WFDC3: variants seen among roughly 807,000 people sequenced by gnomAD.
The protein encoded by WFDC3 is WAP four-disulfide core domain protein 3.
WFDC3 carries 15 observed loss-of-function variants against 25.8 expected under a neutral mutation model. That is an observed-to-expected ratio of 0.58 (90% CI 0.39 to 0.89). The LOEUF (loss-of-function observed/expected upper bound fraction) is 0.89. WFDC3 is among the 40% of genes least tolerant of loss of function. The pLI, the probability that WFDC3 is intolerant of heterozygous loss-of-function variation, is 0.00. For synonymous variants in WFDC3, 103 were observed against 107.1 expected, an observed-to-expected ratio of 0.96 and a Z score of 0.24; for missense variants, 264 against 289.8, an observed-to-expected ratio of 0.91 and a Z score of 0.65.
intron 5 of WFDC3, 38 bp downstream of exon 5, chr20:45,777,037 A>G: frequency 1.2e-6 from 2 of 1,611,130 alleles, no homozygotes; most frequent in Non-Finnish European, 1.7e-6. Flanking sequence ...TCTTCTCAGG[A>G]AACACTCAAG....
At chr20:45,783,930 C>T (rs1043710048) in intron 4 of WFDC3, among the ~76,000 whole-genome samples, 2 of 152,170 alleles carry the variant, frequency 1.3e-5, no homozygotes, top group Non-Finnish European at 2.9e-5. Flanking sequence ...TATCACCTCC[C>T]ACCAGGCTAG....
chr20:45,786,773 G>A (rs13041187), intron 4 of WFDC3, among the ~76,000 whole-genome samples: 2 of 152,008 alleles, frequency 1.3e-5, no homozygotes, highest in Admixed American at 6.6e-5. Flanking sequence ...AGACAGCCCC[G>A]CCGTGTGTGT....
intron 6 of WFDC3, 127 bp from the exon 7 acceptor site, chr20:45,774,571 TC>T: frequency 1.7e-6 from 2 of 1,200,266 alleles, no homozygotes; most frequent in Non-Finnish European, 2.4e-6. Context: ...GCTCCTTGCT[TC>T]CCAGACAATC....
At chr20:45,786,342 C>T (rs1980666395) in intron 4 of WFDC3, among the ~76,000 whole-genome samples, 1 of 152,152 alleles carries the variant, frequency 6.6e-6, no homozygotes, top group African/African-American at 2.4e-5. Flanking sequence ...TGTAGTGAAA[C>T]AAGATCGTGC....
chr20:45,782,576 C>A (rs1980496124), intron 4 of WFDC3, among the ~76,000 whole-genome samples: 1 of 152,094 alleles, frequency 6.6e-6, no homozygotes, highest in Non-Finnish European at 1.5e-5. Context: ...TGGGGTTTCA[C>A]CATGTTGGCC....
At chr20:45,791,527 T>C (rs1719427346) in intron 1 of WFDC3, among the ~76,000 whole-genome samples, 1 of 152,022 alleles carries the variant, frequency 6.6e-6, no homozygotes, top group African/African-American at 2.4e-5. Flanking sequence ...GAACTCCTGA[T>C]GGCAAGTGAT....
intron 4 of WFDC3, among the ~76,000 whole-genome samples, chr20:45,781,262 GACAC>G (rs10630278): frequency 1.3e-5 from 2 of 150,222 alleles, no homozygotes; most frequent in Admixed American, 6.6e-5. Context: ...CACACACATA[GACAC>G]ACACACACAC....
rs1229099182 is a variant in WFDC3 at position 45,788,226 on chromosome 20, C to T, written c.212-244G>A. ...GGCTGAGGCAGGAGAATCACTTGAA[C>T]CCGGGAGGCAGAGGTTGCGGTGAGC... is the stretch of plus-strand genomic sequence containing the variant. On this transcript the variant is annotated intron_variant, in intron 3 of 6. Transcript: ENST00000243938. 1.7e-5 allele frequency: 5 copies of T among 300,620 alleles called. No individual in the cohort carries two copies. In the Admixed American group the frequency reaches 2.6e-4, roughly 16 times the overall value. 18.6% of individuals were successfully genotyped at this position (300,620 alleles called of 1,614,324 possible).
intron 4 of WFDC3, among the ~76,000 whole-genome samples, chr20:45,778,461 C>T (rs1170338664): frequency 6.6e-6 from 1 of 152,218 alleles, no homozygotes; most frequent in Non-Finnish European, 1.5e-5. Flanking sequence ...TGAGAGGCAA[C>T]AGGTCCAGCT....
chr20:45,775,397 T>C lies in WFDC3; in HGVS notation c.679+20A>G. 1.9e-6 allele frequency: 3 copies of C among 1,610,204 alleles called. No individual in the cohort carries two copies. Among genetic ancestry groups the C allele is most frequent in the Non-Finnish European group, 2.5e-6 (3 of 1,177,100 alleles). On this transcript the variant is annotated intron_variant, in intron 6 of 6. Transcript: ENST00000243938. ...CATAGCAGTTGTCTGTTATTGTTGA[T>C]GACAATGGACTGTACTCACCTAATT...
rs1980812252 is a variant in WFDC3, at chr20:45,788,975, C to T, written c.167G>A (p.Cys56Tyr). Residue 56 changes from cysteine to tyrosine, a missense_variant, in exon 3 of 7, where the codon TGC becomes TAC. By Grantham distance (194) the Cys-to-Tyr change is radical. Transcript: ENST00000243938. Reference sequence around the variant, plus strand: ...GATCCGACCACAGCCTGTGGTGCAGCACTTCTGTTCAGCCGGACACAATTC... The same window carrying T: ...GATCCGACCACAGCCTGTGGTGCAGTACTTCTGTTCAGCCGGACACAATTC... ...GDELCPAEQKCCTTGCGRICR... is the reference protein window; with the variant it reads ...GDELCPAEQKYCTTGCGRICR... The T allele has an allele frequency of 6.2e-7, 1 of 1,613,804 alleles. No homozygotes were observed. Among genetic ancestry groups the T allele is most frequent in the South Asian group, 1.1e-5 (1 of 91,034 alleles).
intron 4 of WFDC3, among the ~76,000 whole-genome samples, chr20:45,780,068 T>C: frequency 7.3e-6 from 1 of 136,664 alleles, no homozygotes; most frequent in African/African-American, 3.0e-5. Flanking sequence ...TATACCTTTT[T>C]TTTTTTTTTT....
chr20:45,777,699 T>C (rs1413049237), intron 4 of WFDC3, among the ~76,000 whole-genome samples: 1 of 152,164 alleles, frequency 6.6e-6, no homozygotes, highest in Non-Finnish European at 1.5e-5. Context: ...TATTTATTTA[T>C]TTTGTAGAGA....
chr20:45,775,671 AACTT>A, intron 5 of WFDC3, 69 bp from the exon 6 acceptor site: 1 of 1,586,164 alleles, frequency 6.3e-7, no homozygotes, highest in Admixed American at 1.7e-5. Context: ...TCCCATCGTG[AACTT>A]ACACACAGAG....
At chr20:45,789,783 A>T in intron 2 of WFDC3, 111 bp downstream of exon 2, 1 of 905,048 alleles carries the variant, frequency 1.1e-6, no homozygotes, top group Non-Finnish European at 1.8e-6. Flanking sequence ...TATAGAGATG[A>T]TCATCTCCAC....
chr20:45,789,596 G>A (rs1980852580), intron 2 of WFDC3, among the ~76,000 whole-genome samples: 1 of 152,006 alleles, frequency 6.6e-6, no homozygotes, highest in Admixed American at 6.6e-5. Flanking sequence ...CAGCCATCCT[G>A]CAGATAACGA....
At position 45,787,920 on chromosome 20, in the gene WFDC3, C is replaced by G. The variant is rs773227415; in HGVS notation, c.274G>C (p.Asp92His). The G allele has an allele frequency of 6.2e-7, 1 of 1,614,116 alleles. No individual in the cohort carries two copies. Among genetic ancestry groups the G allele is most frequent in the Non-Finnish European group, 8.5e-7 (1 of 1,180,012 alleles). The change falls in exon 4 of 7, where the codon GAT (aspartate) becomes CAT (histidine). Residue 92 changes from aspartate (D) to histidine (H), a missense_variant. Transcript: ENST00000243938. Reference sequence around the variant, plus strand: ...TTCTTTACACCTGGACATGTCTCATCAGTGATGCACCTTTTCAAACAGGAT... The same window carrying G: ...TTCTTTACACCTGGACATGTCTCATGAGTGATGCACCTTTTCAAACAGGAT... ...KQSCLKRCIT[D>H]ETCPGVKKCC...
chr20:45,789,089 A>G, intron 2 of WFDC3, 30 bp from the exon 3 acceptor site: 1 of 1,610,510 alleles, frequency 6.2e-7, no homozygotes, highest in Non-Finnish European at 8.5e-7. Context: ...AGTTTGGGGT[A>G]ACTAGCCAGG....
rs973501162 is a variant in WFDC3, at chr20:45,788,034, T to C, written c.212-52A>G. 1.9e-6 allele frequency: 3 copies of C among 1,582,982 alleles called. No individual in the cohort carries two copies. The Admixed American group carries it at 5.2e-5, about 28-fold the overall frequency. On this transcript the variant is annotated intron_variant, in intron 3 of 6. Coordinates refer to ENST00000243938, the MANE Select transcript of WFDC3 (RefSeq NM_080614.2). ...AAAAGAGAAAATAGGCCGAGCGCCA[T>C]GGCTCACACCTGTAATCCCAGCACT...
Sources: allele counts gnomAD v4.1 joint callset (sites outside exome capture counted in the v4.1 genomes callset), GRCh38; gene constraint gnomAD v4.1.1; transcripts MANE v1.5; gene names NCBI Gene and HGNC (gene_info 2026-07-23, HGNC 2026-07-21).